Variants in PRKACB observed in about 807,000 individuals in gnomAD.
The protein encoded by PRKACB is cAMP-dependent protein kinase catalytic subunit beta.
Under a neutral mutation model 51.4 loss-of-function variants are expected in PRKACB, and 16 were observed. The ratio of observed to expected loss-of-function variants is 0.31; its 90% CI spans 0.21 to 0.47. The LOEUF is 0.47. PRKACB is among the 20% of genes least tolerant of loss of function. PRKACB has a pLI of 1.00. For synonymous variants in PRKACB, 147 were observed against 154.4 expected, an observed-to-expected ratio of 0.95 and a Z score of 0.35; for missense variants, 309 against 464.5, an observed-to-expected ratio of 0.67 and a Z score of 3.08.
intron 1 of PRKACB, among the ~76,000 whole-genome samples, chr1:84,167,961 T>C (rs923806009): frequency 1.3e-5 from 2 of 151,600 alleles, no homozygotes; most frequent in African/African-American, 4.8e-5. Context: ...AATGTTTTTC[T>C]TACTCATAAC....
chr1:84,206,303 G>C (rs970767035), intron 8 of PRKACB, among the ~76,000 whole-genome samples: 1 of 152,118 alleles, frequency 6.6e-6, no homozygotes, highest in African/African-American at 2.4e-5. Context: ...TTTTCCTGAA[G>C]GGAAATTCAA....
At chr1:84,133,810 T>C (rs1183152503) in intron 1 of PRKACB, among the ~76,000 whole-genome samples, 1 of 152,192 alleles carries the variant, frequency 6.6e-6, no homozygotes, top group Non-Finnish European at 1.5e-5. Context: ...CCAGAAGTAA[T>C]GTTACAGTCA....
At chr1:84,219,699 AAG>A (rs1673421356) in intron 9 of PRKACB, among the ~76,000 whole-genome samples, 1 of 151,174 alleles carries the variant, frequency 6.6e-6, no homozygotes, top group African/African-American at 2.4e-5. Context: ...CCATGTATTG[AAG>A]AGAGTGTCCT....
At chr1:84,204,436 C>T (rs1345927413) in intron 8 of PRKACB, 1 of 1,402,416 alleles carries the variant, frequency 7.1e-7, no homozygotes, top group Non-Finnish European at 1.0e-6. Flanking sequence ...ATTTGTAGAT[C>T]TCTGGCTTCA....
chr1:84,096,906 G>A (rs539806372), intron 1 of PRKACB, among the ~76,000 whole-genome samples: 8 of 152,144 alleles, frequency 5.3e-5, no homozygotes, highest in East Asian at 1.9e-4. Flanking sequence ...GAGTCAATAA[G>A]CATGCTTCCC....
rs111587469 is a variant in PRKACB at position 84,101,795 on chromosome 1, T to C, written c.46+23424T>C. ...ATAAAGCCACTTTCCTAGTGCCAAATTGTAACAGGAATTTAATCTATCTAA... is the reference window on the plus strand; with the variant it reads ...ATAAAGCCACTTTCCTAGTGCCAAACTGTAACAGGAATTTAATCTATCTAA... On this transcript the variant is annotated intron_variant, in intron 1 of 8. Coordinates refer to the PRKACB transcript ENST00000370688. Among the ~76,000 whole-genome samples, 575 of 152,214 alleles carry C rather than the reference T, an allele frequency of 3.8e-3. 3 individuals carry two copies. Among genetic ancestry groups the C allele is most frequent in the African/African-American group, 0.013 (541 of 41,544 alleles).
chr1:84,085,893 C>T (rs900287622), intron 1 of PRKACB: 4 of 638,612 alleles, frequency 6.3e-6, no homozygotes, highest in African/African-American at 5.4e-5. Context: ...CAGCCCAGAC[C>T]ATATACACCA....
chr1:84,191,358 C>G (rs1434360810), intron 5 of PRKACB, among the ~76,000 whole-genome samples: 1 of 152,004 alleles, frequency 6.6e-6, no homozygotes, highest in East Asian at 1.9e-4. Context: ...GCCCCCATCT[C>G]TTTTGGATTG....
rs761236512 is a variant in PRKACB, at chr1:84,181,671, A to C, written c.250-529A>C. 5 of 1,515,364 alleles carry C rather than the reference A, an allele frequency of 3.3e-6. No individual in the cohort carries two copies. In the East Asian group the frequency reaches 7.5e-5, roughly 23 times the overall value. 93.9% of individuals were successfully genotyped at this position (1,515,364 alleles called of 1,614,324 possible). On this transcript the variant is annotated intron_variant, in intron 2 of 9. Transcript: ENST00000370685. ...CACTAGGCTCTCTCATGCTGCTACTATCTAGTTCTATAAGCTTATATAAAG... is the reference window on the plus strand; with the variant it reads ...CACTAGGCTCTCTCATGCTGCTACTCTCTAGTTCTATAAGCTTATATAAAG...
rs1294641027 is a variant in PRKACB at position 84,106,953 on chromosome 1, C to T, written c.46+28582C>T. 3.3e-5 allele frequency among the ~76,000 whole-genome samples: 5 copies of T among 151,508 alleles called. No homozygotes were observed. The East Asian group carries it at 9.7e-4, about 29-fold the overall frequency. On this transcript the variant is annotated intron_variant, in intron 1 of 8. Coordinates refer to the PRKACB transcript ENST00000370688. ...TAGAGAGCCCAGAAATGAAGCCACA[C>T]ACCCAGGAGGAGGGAGAGGTTCAGA... is the stretch of plus-strand genomic sequence containing the variant.
intron 1 of PRKACB, among the ~76,000 whole-genome samples, chr1:84,137,198 C>A (rs1413615081): frequency 6.6e-6 from 1 of 151,992 alleles, no homozygotes; most frequent in Non-Finnish European, 1.5e-5. Flanking sequence ...ACTAATACAT[C>A]CATATGATCA....
intron 9 of PRKACB, among the ~76,000 whole-genome samples, chr1:84,222,749 T>G (rs1673930291): frequency 6.6e-6 from 1 of 152,206 alleles, no homozygotes; most frequent in Admixed American, 6.5e-5. Flanking sequence ...TTCTCCTTCA[T>G]TTTTGAAGAA....
chr1:84,124,230 G>A (rs907887102), intron 1 of PRKACB, among the ~76,000 whole-genome samples: 6 of 152,184 alleles, frequency 3.9e-5, no homozygotes, highest in African/African-American at 1.2e-4. Context: ...GTACAGTAAC[G>A]TGGGTGTTAA....
intron 1 of PRKACB, among the ~76,000 whole-genome samples, chr1:84,125,638 C>T (rs1348886850): frequency 6.6e-6 from 1 of 152,120 alleles, no homozygotes; most frequent in Non-Finnish European, 1.5e-5. Context: ...AAGACTCAGT[C>T]ACAATTAAGA....
Position 84,197,877 on chromosome 1 carries a change from T to C in PRKACB, c.783+53T>C, listed in dbSNP as rs929193971. On this transcript the variant is annotated intron_variant, in intron 7 of 9. Transcript: ENST00000370685. ...AGTAGAAATATGAGACATGCATCCC[T>C]ATGGACTTTTGTAAAAACAGTTTAT... 3.2e-6 allele frequency: 4 copies of C among 1,247,492 alleles called. No homozygotes were observed. In the Admixed American group the frequency reaches 8.5e-5, roughly 26 times the overall value. 77.3% of individuals were successfully genotyped at this position (1,247,492 alleles called of 1,614,324 possible).
chr1:84,189,602 G>A (rs747703164), intron 5 of PRKACB, among the ~76,000 whole-genome samples: 25 of 151,898 alleles, frequency 1.6e-4, no homozygotes, highest in African/African-American at 3.9e-4. Context: ...AGCAAAAGCC[G>A]AACTTCTGAA....
intron 1 of PRKACB, among the ~76,000 whole-genome samples, chr1:84,119,610 A>G (rs1650902767): frequency 6.6e-6 from 1 of 152,126 alleles, no homozygotes; most frequent in Admixed American, 6.6e-5. Flanking sequence ...ATTCACTCAT[A>G]TCATTTAGCC....
chr1:84,126,486 C>G (rs6699600), intron 1 of PRKACB, among the ~76,000 whole-genome samples: 73,245 of 151,970 alleles, frequency 0.48, 18,290 homozygotes, highest in Non-Finnish European at 0.56. Context: ...TCTGCTGCCT[C>G]TCTTCTCTCC....
At chr1:84,121,846 A>G (rs1381099337) in intron 1 of PRKACB, among the ~76,000 whole-genome samples, 1 of 151,980 alleles carries the variant, frequency 6.6e-6, no homozygotes, top group East Asian at 1.9e-4. Context: ...TCCCTTGCAC[A>G]CACTCTCTTT....
Sources: allele counts gnomAD v4.1 joint callset (sites outside exome capture counted in the v4.1 genomes callset), GRCh38; gene constraint gnomAD v4.1.1; transcripts MANE v1.5; gene names NCBI Gene and HGNC (gene_info 2026-07-23, HGNC 2026-07-21).